The following PPP1R16B variants were observed in gnomAD, a reference collection of about 807,000 sequenced individuals.
PPP1R16B encodes protein phosphatase 1 regulatory inhibitor subunit 16B.
Under a neutral mutation model 61.7 loss-of-function variants are expected in PPP1R16B, and 14 were observed. The observed-to-expected ratio is 0.23, with a 90% confidence interval of 0.15 to 0.35. The LOEUF (loss-of-function observed/expected upper bound fraction) is 0.35. PPP1R16B is among the 10% of genes least tolerant of loss of function. The probability of loss-of-function intolerance (pLI) is 1.00; values close to 1 mark genes in which losing one functional copy is unlikely to be tolerated. For synonymous variants in PPP1R16B, 266 were observed against 305.3 expected, an observed-to-expected ratio of 0.87 and a Z score of 1.34; for missense variants, 547 against 752.5, an observed-to-expected ratio of 0.73 and a Z score of 3.19.
chr20:38,908,151 G>T lies in PPP1R16B; in HGVS notation c.1152G>T (p.Gly384=), dbSNP rs2085461548. The change falls in exon 10 of 11, where the codon GGG becomes GGT. Residue 384 remains glycine (G), a synonymous_variant. Transcript: ENST00000299824. The stretch of plus-strand genomic sequence containing the variant: ...ATCAGCGGACCTCCACCTACAACGG[G>T]GACATCAGGGAGACCAGGACAGACC... ...AEDQRTSTYN[G]DIRETRTDQE... 18 of 1,614,244 alleles carry T rather than the reference G, an allele frequency of 1.1e-5. No homozygotes were observed. Among genetic ancestry groups the T allele is most frequent in the Non-Finnish European group, 1.5e-5 (18 of 1,180,052 alleles).
At chr20:38,819,371 G>T (rs560093669) in intron 1 of PPP1R16B, among the ~76,000 whole-genome samples, 1 of 152,222 alleles carries the variant, frequency 6.6e-6, no homozygotes, top group Non-Finnish European at 1.5e-5. Flanking sequence ...TTACTAGCTG[G>T]GCATGGTGGT....
chr20:38,881,550 T>G (rs1256167158), intron 2 of PPP1R16B, among the ~76,000 whole-genome samples: 1 of 152,070 alleles, frequency 6.6e-6, no homozygotes, highest in Non-Finnish European at 1.5e-5. Context: ...GCCACCAGGG[T>G]GCTTGGAAGC....
At chr20:38,880,436 G>A (rs568761536) in intron 2 of PPP1R16B, among the ~76,000 whole-genome samples, 1 of 152,212 alleles carries the variant, frequency 6.6e-6, no homozygotes, top group Non-Finnish European at 1.5e-5. Flanking sequence ...GGAGGCTGAG[G>A]CAGGAGGATC....
intron 1 of PPP1R16B, among the ~76,000 whole-genome samples, chr20:38,820,341 C>A (rs2084764814): frequency 1.3e-5 from 2 of 151,312 alleles, no homozygotes; most frequent in Admixed American, 6.6e-5. Flanking sequence ...AGCGGATCAC[C>A]TCAGGTCAGG....
chr20:38,894,061 C>A (rs558386095), intron 3 of PPP1R16B, among the ~76,000 whole-genome samples: 17 of 152,208 alleles, frequency 1.1e-4, no homozygotes, highest in African/African-American at 2.9e-4. Flanking sequence ...AGGGTCACAC[C>A]TTTCCCTGCC....
chr20:38,885,695 G>A (rs1335602710), intron 2 of PPP1R16B, among the ~76,000 whole-genome samples: 1 of 152,184 alleles, frequency 6.6e-6, no homozygotes, highest in African/African-American at 2.4e-5. Context: ...AATAATTATA[G>A]GTGTGAACTC....
chr20:38,918,208 C>T lies in PPP1R16B; in HGVS notation c.1246C>T (p.Pro416Ser). The change falls in exon 11 of 11, where the codon CCA becomes TCA. Residue 416 changes from proline to serine, a missense_variant. Coordinates refer to ENST00000299824, the MANE Select transcript of PPP1R16B (RefSeq NM_015568.4). The surrounding 1 kb of genome is among the most constrained non-coding windows in gnomAD (Gnocchi z 5.3). Reference protein sequence around the residue: ...VLLSEFPTKIPRGELDMPVEN... With the variant: ...VLLSEFPTKISRGELDMPVEN... ...ACTCTCCGAATTTCCTACCAAGATC[C>T]CACGAGGTGAACTGGACATGCCTGT... 1 of 1,614,236 alleles carries T rather than the reference C, an allele frequency of 6.2e-7. No individual in the cohort carries two copies. Among genetic ancestry groups the T allele is most frequent in the Non-Finnish European group, 8.5e-7 (1 of 1,180,038 alleles).
Position 38,836,100 on chromosome 20 carries a change from G to T in PPP1R16B, c.175G>T (p.Gly59Cys), listed in dbSNP as rs1329227044. ...GCATGAGCGGAAGCGCAGCACGGGC[G>T]GCCGCCGCAAGAAAGTGTCCTTCGA... ...RKHERKRSTG[G>C]RRKKVSFEAS... The change falls in exon 2 of 11, where the codon GGC (glycine) becomes TGC (cysteine). Residue 59 changes from glycine (G) to cysteine (C), a missense_variant. Gly to Cys is a radical substitution (Grantham distance 159). Coordinates refer to ENST00000299824, the MANE Select transcript of PPP1R16B (RefSeq NM_015568.4). The T allele has an allele frequency of 1.2e-6, 2 of 1,611,968 alleles. No individual in the cohort carries two copies. The highest frequency in any genetic ancestry group is 1.7e-6 in the Non-Finnish European group (2 of 1,179,790).
At chr20:38,851,395 G>C (rs1001234819) in intron 2 of PPP1R16B, among the ~76,000 whole-genome samples, 4 of 151,990 alleles carry the variant, frequency 2.6e-5, no homozygotes, top group African/African-American at 9.7e-5. Context: ...AATACAGGAG[G>C]TGGAGGTTGC....
chr20:38,841,780 C>T (rs1008591925), intron 2 of PPP1R16B, among the ~76,000 whole-genome samples: 3 of 152,182 alleles, frequency 2.0e-5, no homozygotes, highest in Non-Finnish European at 4.4e-5. Flanking sequence ...CTTTTCATTG[C>T]CCTGTAGTAT....
At chr20:38,812,748 T>G (rs1028177154) in intron 1 of PPP1R16B, among the ~76,000 whole-genome samples, 2 of 152,230 alleles carry the variant, frequency 1.3e-5, no homozygotes, top group Admixed American at 6.5e-5. Context: ...TTGAAGGGAC[T>G]GTGCTGTTCT....
rs956990001 is a variant in PPP1R16B, at chr20:38,835,918, C to T, written c.-8C>T. The T allele has an allele frequency of 2.6e-6, 4 of 1,532,838 alleles. No individual in the cohort carries two copies. The highest frequency in any genetic ancestry group is 2.0e-5 in the Admixed American group (1 of 50,646). The allele number at this position is 1,532,838 out of a possible 1,614,324, so 95.0% of individuals were successfully genotyped here. On this transcript the variant is annotated 5_prime_UTR_variant, in exon 2 of 11. Transcript: ENST00000299824. Reference sequence around the variant, plus strand: ...CCCCCAGCCAGGGCGTTGGGGAGGGCGGTGGCCATGGCCAGTCACGTGGAC... The same window carrying T: ...CCCCCAGCCAGGGCGTTGGGGAGGGTGGTGGCCATGGCCAGTCACGTGGAC...
intron 2 of PPP1R16B, among the ~76,000 whole-genome samples, chr20:38,881,778 C>T (rs1159463055): frequency 6.6e-6 from 1 of 152,230 alleles, no homozygotes; most frequent in Non-Finnish European, 1.5e-5. Context: ...TGACCTTTCT[C>T]TTAGCTTTTT....
At position 38,913,525 on chromosome 20, in the gene PPP1R16B, T is replaced by G. The variant is rs545125781; in HGVS notation, c.1195-4632T>G. 3.9e-5 allele frequency among the ~76,000 whole-genome samples: 6 copies of G among 152,298 alleles called. No individual in the cohort carries two copies. In the East Asian group the frequency reaches 1.2e-3, roughly 29 times the overall value. On this transcript the variant is annotated intron_variant, in intron 10 of 10. Coordinates refer to ENST00000299824, the MANE Select transcript of PPP1R16B (RefSeq NM_015568.4). ...ATCCACCCGCCTCGACCTCCCAAAGTGCTGGGATTACGGGCGTGAGCCACC... is the reference window on the plus strand; with the variant it reads ...ATCCACCCGCCTCGACCTCCCAAAGGGCTGGGATTACGGGCGTGAGCCACC...
At chr20:38,854,689 C>G (rs1467795025) in intron 2 of PPP1R16B, among the ~76,000 whole-genome samples, 1 of 152,100 alleles carries the variant, frequency 6.6e-6, no homozygotes, top group Non-Finnish European at 1.5e-5. Context: ...TCAGATTCCT[C>G]ATCTGTAAAG....
intron 2 of PPP1R16B, among the ~76,000 whole-genome samples, chr20:38,861,628 C>A (rs977875917): frequency 2.0e-5 from 3 of 151,992 alleles, no homozygotes; most frequent in South Asian, 2.1e-4. Flanking sequence ...TCTGCTGTTG[C>A]CACTTGAGGA....
chr20:38,914,955 AC>A (rs1487707113), intron 10 of PPP1R16B, among the ~76,000 whole-genome samples: 3 of 152,156 alleles, frequency 2.0e-5, no homozygotes, highest in Non-Finnish European at 4.4e-5. Context: ...GGCATGAGCC[AC>A]TGCACCCAGC....
chr20:38,857,814 C>T (rs962896570), intron 2 of PPP1R16B, among the ~76,000 whole-genome samples: 1 of 151,224 alleles, frequency 6.6e-6, no homozygotes, highest in African/African-American at 2.4e-5. Flanking sequence ...CTGATGTGGT[C>T]AAAATCCCCC....
chr20:38,899,367 G>A (rs531293762), intron 4 of PPP1R16B, among the ~76,000 whole-genome samples: 2 of 152,360 alleles, frequency 1.3e-5, no homozygotes, highest in East Asian at 1.9e-4. Flanking sequence ...GCCTGGGTCA[G>A]TGGGTCCCAA....
Sources: gnomAD v4.1 joint callset for allele counts (sites outside exome capture counted in the v4.1 genomes callset) on GRCh38, gnomAD v4.1.1 for gene constraint, Gnocchi (gnomAD v3.1) non-coding constraint, MANE v1.5 for transcripts, NCBI Gene and HGNC (gene_info 2026-07-23, HGNC 2026-07-21) for gene names.